Variants in PTPRM observed in about 807,000 individuals in gnomAD.
The protein encoded by PTPRM is receptor-type tyrosine-protein phosphatase mu.
In PTPRM, 47 loss-of-function variants were observed where a neutral mutation model predicts 186.7. That is an observed-to-expected ratio of 0.25 (90% CI 0.20 to 0.32). The LOEUF is 0.32. Among genes scored for constraint, PTPRM ranks in the 10% least tolerant of loss-of-function variants. PTPRM has a pLI of 1.00. For missense variants in PTPRM, 1,494 were observed against 1,865.0 expected, an observed-to-expected ratio of 0.80 and a Z score of 3.66; for synonymous variants, 668 against 674.9, an observed-to-expected ratio of 0.99 and a Z score of 0.16.
chr18:7,830,982 G>A (rs533523860), intron 2 of PTPRM, among the ~76,000 whole-genome samples: 1 of 152,158 alleles, frequency 6.6e-6, no homozygotes, highest in Non-Finnish European at 1.5e-5. Flanking sequence ...ACTTAAAAAT[G>A]TTGAGGGCAG....
At chr18:8,163,590 C>T (rs1213335098) in intron 14 of PTPRM, among the ~76,000 whole-genome samples, 3 of 152,272 alleles carry the variant, frequency 2.0e-5, no homozygotes, top group African/African-American at 7.2e-5. Context: ...GTACCTTTTT[C>T]ACTTTTATGA....
chr18:8,350,604 G>T (rs1389740212), intron 23 of PTPRM, among the ~76,000 whole-genome samples: 1 of 152,186 alleles, frequency 6.6e-6, no homozygotes, highest in Admixed American at 6.5e-5. Flanking sequence ...CCATGTGTCA[G>T]TGCTGCATTA....
intron 14 of PTPRM, among the ~76,000 whole-genome samples, chr18:8,195,339 G>A (rs2093762889): frequency 6.6e-6 from 1 of 151,956 alleles, no homozygotes; most frequent in African/African-American, 2.4e-5. Flanking sequence ...GTTAGCAACT[G>A]TTAGGATGGA....
At chr18:8,197,682 C>G (rs146933160) in intron 14 of PTPRM, among the ~76,000 whole-genome samples, 22 of 152,264 alleles carry the variant, frequency 1.4e-4, no homozygotes, top group African/African-American at 4.6e-4. Context: ...CTAATATACT[C>G]CTCAGTCACA....
At chr18:7,625,068 G>T (rs936572491) in intron 1 of PTPRM, among the ~76,000 whole-genome samples, 5 of 152,154 alleles carry the variant, frequency 3.3e-5, no homozygotes, top group Non-Finnish European at 7.4e-5. Context: ...AACTCTACAA[G>T]AGCTTGAAAT....
At chr18:8,103,371 A>G (rs150785532) in intron 11 of PTPRM, among the ~76,000 whole-genome samples, 16 of 152,340 alleles carry the variant, frequency 1.1e-4, no homozygotes, top group African/African-American at 3.8e-4. Context: ...ACCCTCATCA[A>G]TGACTTTAGC....
At chr18:8,213,992 A>C (rs1307765125) in intron 14 of PTPRM, among the ~76,000 whole-genome samples, 1 of 152,202 alleles carries the variant, frequency 6.6e-6, no homozygotes, top group Non-Finnish European at 1.5e-5. Context: ...CATTATTCTA[A>C]ATGAAGTAAC....
chr18:8,278,169 A>AT (rs917053416), intron 19 of PTPRM, among the ~76,000 whole-genome samples: 24 of 152,366 alleles, frequency 1.6e-4, no homozygotes, highest in African/African-American at 5.8e-4. Context: ...TGAGAAAGAC[A>AT]TGCCTGGCAT....
chr18:7,625,378 A>G (rs182028520), intron 1 of PTPRM, among the ~76,000 whole-genome samples: 182 of 152,298 alleles, frequency 1.2e-3, no homozygotes, highest in Middle Eastern at 6.8e-3. Flanking sequence ...TGCCCACACT[A>G]TTTGATTCTG....
intron 2 of PTPRM, among the ~76,000 whole-genome samples, chr18:7,832,451 T>A (rs573511686): frequency 3.0e-4 from 38 of 127,448 alleles, no homozygotes; most frequent in African/African-American, 9.4e-4. Flanking sequence ...ATTAAAATAT[T>A]TTGCCATTTT....
At chr18:7,783,593 A>G (rs559378403) in intron 2 of PTPRM, among the ~76,000 whole-genome samples, 3 of 151,734 alleles carry the variant, frequency 2.0e-5, no homozygotes, top group Non-Finnish European at 4.4e-5. Context: ...GTTTTTAGAG[A>G]TGGGGTCTTG....
chr18:7,843,312 G>A (rs1467595896), intron 2 of PTPRM, among the ~76,000 whole-genome samples: 1 of 152,138 alleles, frequency 6.6e-6, no homozygotes, highest in Non-Finnish European at 1.5e-5. Flanking sequence ...CCATTGTTAA[G>A]CAGCTGGCTG....
At chr18:7,918,125 T>C (rs1019332992) in intron 4 of PTPRM, among the ~76,000 whole-genome samples, 7 of 152,020 alleles carry the variant, frequency 4.6e-5, no homozygotes, top group African/African-American at 1.4e-4. Flanking sequence ...ACATTTTCTT[T>C]ATTTACTTAT....
intron 1 of PTPRM, among the ~76,000 whole-genome samples, chr18:7,733,600 C>T (rs2040707275): frequency 6.6e-6 from 1 of 152,088 alleles, no homozygotes; most frequent in Admixed American, 6.6e-5. Context: ...AGAATATGCC[C>T]AGTAATGTGA....
At chr18:7,574,280 T>C (rs1271252099) in intron 1 of PTPRM, among the ~76,000 whole-genome samples, 1 of 152,140 alleles carries the variant, frequency 6.6e-6, no homozygotes, top group African/African-American at 2.4e-5. Context: ...AAAACTCAAA[T>C]GAATAAAAAA....
At chr18:7,771,605 G>C (rs914849219) in intron 1 of PTPRM, among the ~76,000 whole-genome samples, 1 of 152,190 alleles carries the variant, frequency 6.6e-6, no homozygotes, top group African/African-American at 2.4e-5. Context: ...GTTGAAACAA[G>C]TAATTGTTAA....
At chr18:7,844,888 G>C (rs571919891) in intron 2 of PTPRM, among the ~76,000 whole-genome samples, 34 of 152,208 alleles carry the variant, frequency 2.2e-4, no homozygotes, top group Admixed American at 8.5e-4. Flanking sequence ...TGGATCTCCT[G>C]TGAATCTTAC....
At chr18:7,604,750 G>T (rs73385380) in intron 1 of PTPRM, among the ~76,000 whole-genome samples, 3,972 of 152,312 alleles carry the variant, frequency 0.026, 164 homozygotes, top group African/African-American at 0.089. Flanking sequence ...ATGTCTGGGA[G>T]CTGCCCTGTT....
At chr18:8,374,895 A>G (rs1208953995) in intron 24 of PTPRM, among the ~76,000 whole-genome samples, 2 of 152,242 alleles carry the variant, frequency 1.3e-5, no homozygotes, top group African/African-American at 4.8e-5. Context: ...GTGAACAATG[A>G]TTGATGGTGA....
Sources: allele counts gnomAD v4.1 joint callset (sites outside exome capture counted in the v4.1 genomes callset), GRCh38; gene constraint gnomAD v4.1.1; transcripts MANE v1.5; gene names NCBI Gene and HGNC (gene_info 2026-07-23, HGNC 2026-07-21).